The following FAM114A2 variants were observed in gnomAD, a reference collection of about 807,000 sequenced individuals.
FAM114A2 encodes the protein family with sequence similarity 114 member A2.
In FAM114A2, 53 loss-of-function variants were observed where a neutral mutation model predicts 58.4. That is an observed-to-expected ratio of 0.91 (90% confidence interval 0.73 to 1.14). The LOEUF (loss-of-function observed/expected upper bound fraction) is 1.14. Ranked by LOEUF, FAM114A2 falls within the 50% of genes most tolerant of loss-of-function variation. The pLI is 0.00. For missense variants in FAM114A2, 601 were observed against 581.1 expected (o/e 1.03, Z -0.35); for synonymous variants, 228 against 211.4 (o/e 1.08, Z -0.68).
chr5:153,995,193 T>C (rs1035726228), intron 12 of FAM114A2: 1 of 448,808 alleles, frequency 2.2e-6, no homozygotes, highest in Non-Finnish European at 4.0e-6. Context: ...GACAGTGTAT[T>C]GTTTTATACC....
In FAM114A2 at chr5:154,010,684, C is replaced by T. The variant is rs895779920; in HGVS notation, c.993+557G>A. Among the ~76,000 whole-genome samples, 4 of 152,288 alleles carry T rather than the reference C, an allele frequency of 2.6e-5. No homozygotes were observed. The East Asian group carries it at 5.8e-4, about 22-fold the overall frequency. On this transcript the variant is annotated intron_variant, in intron 9 of 13. Coordinates refer to ENST00000351797, the MANE Select transcript of FAM114A2 (RefSeq NM_018691.4). ...TTATACTTGCCACAGAACCTCCCTACCCACTCTGAGCTTTGATTAAAGTCT... is the reference window on the plus strand; with the variant it reads ...TTATACTTGCCACAGAACCTCCCTATCCACTCTGAGCTTTGATTAAAGTCT...
At chr5:154,036,448 T>G (rs1054876061) in intron 1 of FAM114A2, 1 of 152,168 alleles carries the variant, frequency 6.6e-6, no homozygotes, top group Non-Finnish European at 1.5e-5. Flanking sequence ...AATCAATACA[T>G]CTCACACATA....
At chr5:154,009,910 G>C (rs1479412642) in intron 9 of FAM114A2, among the ~76,000 whole-genome samples, 5 of 152,148 alleles carry the variant, frequency 3.3e-5, no homozygotes, top group Admixed American at 1.3e-4. Context: ...AGTGGTAGAG[G>C]AAAAAGTTTG....
intron 10 of FAM114A2, 131 bp from the exon 11 acceptor site, chr5:154,002,521 T>C (rs1581771841): frequency 1.5e-6 from 1 of 684,404 alleles, no homozygotes; most frequent in Non-Finnish European, 2.3e-6. Flanking sequence ...TGTCTTCTTC[T>C]TCCACAGTAG....
chr5:154,020,535 A>G (rs1771341090), intron 8 of FAM114A2, among the ~76,000 whole-genome samples: 1 of 152,234 alleles, frequency 6.6e-6, no homozygotes, highest in Admixed American at 6.5e-5. Flanking sequence ...CAAATAAACT[A>G]GAAAATCAAG....
At chr5:154,037,823 A>T (rs1374410209) in intron 1 of FAM114A2, among the ~76,000 whole-genome samples, 1 of 152,132 alleles carries the variant, frequency 6.6e-6, no homozygotes, top group Non-Finnish European at 1.5e-5. Context: ...AAAGTGCTAA[A>T]ATTACAGGCG....
At chr5:154,014,101 A>G (rs1017190777) in intron 8 of FAM114A2, among the ~76,000 whole-genome samples, 1 of 152,208 alleles carries the variant, frequency 6.6e-6, no homozygotes, top group South Asian at 2.1e-4. Flanking sequence ...CTGCCTTCTC[A>G]ATATCTCAAG....
At chr5:154,020,116 G>A (rs893824424) in intron 8 of FAM114A2, among the ~76,000 whole-genome samples, 8 of 152,096 alleles carry the variant, frequency 5.3e-5, no homozygotes, top group East Asian at 1.9e-4. Context: ...AAGACACAAT[G>A]TACCAGAATC....
At chr5:154,025,510 C>T (rs1771718601) in intron 8 of FAM114A2, among the ~76,000 whole-genome samples, 2 of 152,156 alleles carry the variant, frequency 1.3e-5, no homozygotes, top group African/African-American at 4.8e-5. Context: ...GACTCATAGA[C>T]TCCCTGAAAG....
At chr5:154,005,962 A>T (rs1034399832) in intron 9 of FAM114A2, among the ~76,000 whole-genome samples, 2 of 152,246 alleles carry the variant, frequency 1.3e-5, no homozygotes, top group African/African-American at 4.8e-5. Flanking sequence ...GAGCTAAAGC[A>T]GACCTGTGTT....
In FAM114A2 at chr5:154,028,210, T is replaced by C. The variant is rs766115411; in HGVS notation, c.569A>G (p.Glu190Gly). The change falls in exon 6 of 14, where the codon GAA (glutamate) becomes GGA (glycine). Residue 190 changes from glutamate to glycine, a missense_variant. Coordinates refer to ENST00000351797, the MANE Select transcript of FAM114A2 (RefSeq NM_018691.4). Reference protein sequence around the residue: ...IGKKTMDVIAEGDPGFKRTKG... With the variant: ...IGKKTMDVIAGGDPGFKRTKG... Reference sequence around the variant, plus strand: ...GGTTCTTTTAAATCCAGGATCCCCTTCTGCTATCACATCCATTGTCTTTTT... The same window carrying C: ...GGTTCTTTTAAATCCAGGATCCCCTCCTGCTATCACATCCATTGTCTTTTT... 1.2e-6 allele frequency: 2 copies of C among 1,612,006 alleles called. No homozygotes were observed. The highest frequency in any genetic ancestry group is 1.7e-6 in the Non-Finnish European group (2 of 1,178,340).
intron 6 of FAM114A2, 92 bp downstream of exon 6, chr5:154,028,057 A>C: frequency 8.5e-7 from 1 of 1,178,742 alleles, no homozygotes; most frequent in Non-Finnish European, 1.2e-6. Context: ...AAAATGCTTG[A>C]AAAGAAAACA....
chr5:154,033,644 T>C, intron 4 of FAM114A2, 147 bp downstream of exon 4: 2 of 574,330 alleles, frequency 3.5e-6, no homozygotes, highest in Non-Finnish European at 6.2e-6. Flanking sequence ...GATGTCTAAT[T>C]GGGAACTAAA....
At chr5:154,000,203 G>A (rs893448811) in intron 11 of FAM114A2, among the ~76,000 whole-genome samples, 5 of 152,136 alleles carry the variant, frequency 3.3e-5, no homozygotes, top group Non-Finnish European at 7.4e-5. Flanking sequence ...GGAAAGGTGG[G>A]TGCGTGAGTG....
Position 154,029,591 on chromosome 5 carries a change from G to A in FAM114A2, c.404-11C>T, listed in dbSNP as rs1772041229. 3 of 1,486,042 alleles carry A rather than the reference G, an allele frequency of 2.0e-6. No individual in the cohort carries two copies. Among genetic ancestry groups the A allele is most frequent in the South Asian group, 2.3e-5 (2 of 88,096 alleles). The allele number at this position is 1,486,042 out of a possible 1,614,324, so 92.1% of individuals were successfully genotyped here. A position where few individuals can be genotyped will look rare whatever the true frequency, so the allele number is the denominator to read the frequency against. On this transcript the variant is annotated splice_polypyrimidine_tract_variant and intron_variant, in intron 4 of 13. Transcript: ENST00000351797. ...TGGCATTTGTCTCTCCTACAAGAGG[G>A]AGGGGATGTGTAAACATGAAGGGAA...
At chr5:154,022,980 T>C (rs1377357282) in intron 8 of FAM114A2, among the ~76,000 whole-genome samples, 1 of 152,210 alleles carries the variant, frequency 6.6e-6, no homozygotes, top group Non-Finnish European at 1.5e-5. Flanking sequence ...GTTCATGTCC[T>C]TTGTAGCGAC....
At chr5:154,011,578 C>T (rs1490824094) in intron 8 of FAM114A2, among the ~76,000 whole-genome samples, 1 of 152,164 alleles carries the variant, frequency 6.6e-6, no homozygotes, top group Non-Finnish European at 1.5e-5. Flanking sequence ...GGCTTGAAGA[C>T]ATTAAGTGAC....
At chr5:154,011,447 C>T (rs542118060) in intron 8 of FAM114A2, 127 bp from the exon 9 acceptor site, 2 of 623,724 alleles carry the variant, frequency 3.2e-6, no homozygotes, top group East Asian at 2.7e-5. Flanking sequence ...ATAGTAGCAG[C>T]AGTAATGTAC....
chr5:154,016,993 A>G (rs548236205), intron 8 of FAM114A2, among the ~76,000 whole-genome samples: 1 of 152,368 alleles, frequency 6.6e-6, no homozygotes, highest in South Asian at 2.1e-4. Flanking sequence ...TGTATCAGAC[A>G]AAACAAACTT....
Sources: allele counts gnomAD v4.1 joint callset (sites outside exome capture counted in the v4.1 genomes callset), GRCh38; gene constraint gnomAD v4.1.1; transcripts MANE v1.5; gene names NCBI Gene and HGNC (gene_info 2026-07-23, HGNC 2026-07-21).